Variants in PDS5A observed in about 807,000 individuals in gnomAD.
PDS5A encodes PDS5 cohesin associated factor A.
A neutral mutation model predicts 167.1 loss-of-function variants in PDS5A; 42 were observed. The observed-to-expected ratio is 0.25, with a 90% confidence interval of 0.20 to 0.33. The LOEUF (loss-of-function observed/expected upper bound fraction) is 0.33, where lower values mean the gene tolerates loss of function less well. PDS5A is among the 10% of genes least tolerant of loss of function. PDS5A has a pLI of 1.00. For missense variants in PDS5A, 1,033 were observed against 1,605.9 expected (o/e 0.64, Z 6.10); for synonymous variants, 553 against 554.6 (o/e 1.00, Z 0.04).
At chr4:39,960,548 A>G (rs1729384921) in intron 2 of PDS5A, among the ~76,000 whole-genome samples, 1 of 151,922 alleles carries the variant, frequency 6.6e-6, no homozygotes, top group Non-Finnish European at 1.5e-5. Flanking sequence ...GTTATCTTGA[A>G]CATTTTTTTT....
chr4:39,869,198 C>T (rs1046125400), intron 22 of PDS5A, among the ~76,000 whole-genome samples, 196 bp downstream of exon 22: 2 of 152,154 alleles, frequency 1.3e-5, no homozygotes, highest in South Asian at 2.1e-4. Flanking sequence ...CAGCTAGGCA[C>T]GATGGCTTAA....
intron 2 of PDS5A, chr4:39,974,340 T>C: frequency 2.1e-6 from 1 of 472,438 alleles, no homozygotes; most frequent in South Asian, 1.6e-5. Flanking sequence ...ACACATCAAC[T>C]TTCCATTTTT....
chr4:39,864,923 A>G (rs1719300001), intron 23 of PDS5A, among the ~76,000 whole-genome samples: 1 of 152,154 alleles, frequency 6.6e-6, no homozygotes, highest in Non-Finnish European at 1.5e-5. Context: ...TTTGTGATGG[A>G]AAATAATGCT....
rs77420878 is a variant in PDS5A, at chr4:39,851,774, T to C, written c.3087-2122A>G. The stretch of plus-strand genomic sequence containing the variant: ...GACAACACTGAACACATCGGTTCTA[T>C]AGGTTTGAGGATTCTATTTGTTTAT... On this transcript the variant is annotated intron_variant, in intron 26 of 32. Transcript: ENST00000303538. 8.3e-4 allele frequency among the ~76,000 whole-genome samples: 126 copies of C among 152,328 alleles called. 1 individual carries two copies. In the East Asian group the frequency reaches 0.021, roughly 25 times the overall value.
intron 21 of PDS5A, among the ~76,000 whole-genome samples, chr4:39,872,421 TG>T (rs1275509669): frequency 6.6e-6 from 1 of 152,084 alleles, no homozygotes; most frequent in East Asian, 1.9e-4. Flanking sequence ...TCCCAGCACT[TG>T]GAGAGGCCAA....
At chr4:39,971,487 T>C (rs558957355) in intron 2 of PDS5A, among the ~76,000 whole-genome samples, 1 of 150,652 alleles carries the variant, frequency 6.6e-6, no homozygotes, top group Admixed American at 6.6e-5. Flanking sequence ...TGAGACAGAG[T>C]CTCACTCTGC....
intron 32 of PDS5A, among the ~76,000 whole-genome samples, chr4:39,826,256 G>A (rs1288917024): frequency 6.6e-6 from 1 of 151,246 alleles, no homozygotes; most frequent in Non-Finnish European, 1.5e-5. Flanking sequence ...ACAGGAGAGT[G>A]GGACATGGCC....
At chr4:39,964,561 T>C (rs531497488) in intron 2 of PDS5A, among the ~76,000 whole-genome samples, 3 of 151,980 alleles carry the variant, frequency 2.0e-5, no homozygotes, top group East Asian at 1.9e-4. Context: ...AAAAAGTACA[T>C]GGTGGGGTTT....
chr4:39,862,418 C>A, intron 25 of PDS5A, 85 bp from the exon 26 acceptor site: 1 of 575,096 alleles, frequency 1.7e-6, no homozygotes, highest in South Asian at 2.8e-5. Flanking sequence ...CATTTTTTCC[C>A]TCAGTTATTT....
rs1366854943 is a variant in PDS5A, at chr4:39,898,841, G to C, written c.1582-16C>G. ...TAGCCTCTGACTGAAATTTAAAACA[G>C]AAACAAAAGAACAACTAGTCATATG... On this transcript the variant is annotated splice_polypyrimidine_tract_variant and intron_variant, in intron 14 of 32. Transcript: ENST00000303538. The C allele has an allele frequency of 1.3e-6, 2 of 1,560,084 alleles. No homozygotes were observed. The highest frequency in any genetic ancestry group is 1.8e-6 in the Non-Finnish European group (2 of 1,142,142).
Position 39,862,236 on chromosome 4 carries a change from C to A in PDS5A, c.3069G>T (p.Gln1023His). ...AGACTTACTCTTTGATATCACGAAG[C>A]TGATCAACATCTTGTGATCTTGTAA... ...PDFTRSQDVD[Q>H]LRDIKECLWF... The change falls in exon 26 of 33, where the codon CAG becomes CAT. Residue 1023 changes from glutamine to histidine, a missense_variant. By Grantham distance (24) the Gln-to-His change is conservative (BLOSUM62 0). Transcript: ENST00000303538. 1.4e-6 allele frequency: 2 copies of A among 1,476,172 alleles called. No homozygotes were observed. Among genetic ancestry groups the A allele is most frequent in the Non-Finnish European group, 1.8e-6 (2 of 1,084,870 alleles). 91.4% of individuals were successfully genotyped at this position (1,476,172 alleles called of 1,614,324 possible). A position where few individuals can be genotyped will look rare whatever the true frequency, so the allele number is the denominator to read the frequency against.
intron 26 of PDS5A, among the ~76,000 whole-genome samples, chr4:39,852,942 A>G (rs1284088137): frequency 6.6e-6 from 1 of 152,112 alleles, no homozygotes; most frequent in Non-Finnish European, 1.5e-5. Flanking sequence ...AGACATTCCT[A>G]GACTTTGTTA....
intron 32 of PDS5A, among the ~76,000 whole-genome samples, chr4:39,832,194 G>A (rs1421910914): frequency 5.9e-5 from 9 of 151,834 alleles, no homozygotes; most frequent in South Asian, 2.1e-4. Flanking sequence ...TGAATGTTAC[G>A]AAATAATTAT....
At chr4:39,936,633 T>G (rs1310544209) in intron 2 of PDS5A, 1 of 152,182 alleles carries the variant, frequency 6.6e-6, no homozygotes, top group Non-Finnish European at 1.5e-5. Flanking sequence ...TACATCATGT[T>G]GGCCAGGCTG....
chr4:39,895,512 C>T (rs1722327478), intron 16 of PDS5A, among the ~76,000 whole-genome samples: 1 of 152,184 alleles, frequency 6.6e-6, no homozygotes, highest in Admixed American at 6.5e-5. Context: ...ATGAAGCTTA[C>T]AGGACTGCAA....
intron 2 of PDS5A, among the ~76,000 whole-genome samples, chr4:39,951,622 T>G (rs1728376443): frequency 6.6e-6 from 1 of 152,144 alleles, no homozygotes; most frequent in Admixed American, 6.6e-5. Context: ...TACATCACGC[T>G]GGGCAAGGTG....
chr4:39,926,894 CAA>C (rs1337732232), intron 3 of PDS5A, 33 bp from the exon 4 acceptor site: 1 of 1,354,412 alleles, frequency 7.4e-7, no homozygotes, highest in East Asian at 2.9e-5. Flanking sequence ...AATTTAGACA[CAA>C]ATACTTTTCT....
intron 8 of PDS5A, 149 bp from the exon 9 acceptor site, chr4:39,913,875 GA>G (rs755657882): frequency 5.0e-6 from 3 of 604,216 alleles, no homozygotes; most frequent in Non-Finnish European, 8.9e-6. Flanking sequence ...TTACTATGCA[GA>G]AATTGATTTA....
intron 26 of PDS5A, among the ~76,000 whole-genome samples, chr4:39,853,078 A>G (rs1032553789): frequency 2.0e-5 from 3 of 151,770 alleles, no homozygotes. Flanking sequence ...AGCTGGGACT[A>G]CAGGCACATG....
Sources: allele counts gnomAD v4.1 joint callset (sites outside exome capture counted in the v4.1 genomes callset), GRCh38; gene constraint gnomAD v4.1.1; transcripts MANE v1.5; gene names NCBI Gene and HGNC (gene_info 2026-07-23, HGNC 2026-07-21).